The following SLC30A7 variants were observed in gnomAD, a reference collection of about 807,000 sequenced individuals.
The protein encoded by SLC30A7 is solute carrier family 30 member 7.
In SLC30A7, 35 loss-of-function variants were observed where a neutral mutation model predicts 46.0. The ratio of observed to expected loss-of-function variants is 0.76; its 90% CI spans 0.58 to 1.01. The LOEUF (loss-of-function observed/expected upper bound fraction) is 1.01. SLC30A7 is among the 50% of genes least tolerant of loss of function. The pLI, the probability that SLC30A7 is intolerant of heterozygous loss-of-function variation, is 0.00. For synonymous variants in SLC30A7, 147 were observed against 157.8 expected (o/e 0.93, Z 0.51); for missense variants, 464 against 451.1 (o/e 1.03, Z -0.26).
At chr1:100,914,811 T>C (rs1179859085) in intron 6 of SLC30A7, among the ~76,000 whole-genome samples, 1 of 152,088 alleles carries the variant, frequency 6.6e-6, no homozygotes, top group Non-Finnish European at 1.5e-5. Flanking sequence ...CCTTCATTTT[T>C]CAGTCTTTGA....
At chr1:100,923,004 A>ATTTTTTTTTT (rs71084855) in intron 8 of SLC30A7, among the ~76,000 whole-genome samples, 2 of 49,110 alleles carry the variant, frequency 4.1e-5, no homozygotes, top group African/African-American at 1.8e-4. Context: ...GTTAGAATAG[A>ATTTTTTTTTT]TTTTTTTTTT....
In SLC30A7 at chr1:100,958,043, A is replaced by G. The variant is rs369718685; in HGVS notation, c.843-3785A>G. Among the ~76,000 whole-genome samples the G allele has an allele frequency of 2.6e-4, 40 of 152,332 alleles. 2 individuals carry two copies. In the South Asian group the frequency reaches 8.1e-3, roughly 31 times the overall value. ...TTTAGTTTAGATGAATGAATAACCA[A>G]TATTCTTCACTGTCAAAATCCTTAA... On this transcript the variant is annotated intron_variant, in intron 8 of 10. Coordinates refer to ENST00000357650, the MANE Select transcript of SLC30A7 (RefSeq NM_133496.5).
At chr1:100,909,970 GA>G (rs34615755) in intron 3 of SLC30A7, among the ~76,000 whole-genome samples, 4 of 150,796 alleles carry the variant, frequency 2.7e-5, no homozygotes, top group Admixed American at 6.6e-5. Flanking sequence ...TTTTCTCCAG[GA>G]AAAAAAAATA....
At chr1:100,919,771 G>A (rs1557984181) in intron 7 of SLC30A7, among the ~76,000 whole-genome samples, 1 of 152,124 alleles carries the variant, frequency 6.6e-6, no homozygotes, top group Non-Finnish European at 1.5e-5. Flanking sequence ...GAAGAGCCCA[G>A]TAAATAGCTG....
rs1286475156 is a variant in SLC30A7, at chr1:100,905,312, C to G, written c.183-1540C>G. 4.6e-5 allele frequency among the ~76,000 whole-genome samples: 7 copies of G among 151,730 alleles called. No individual in the cohort carries two copies. In the East Asian group the frequency reaches 1.4e-3, roughly 29 times the overall value. On this transcript the variant is annotated intron_variant, in intron 2 of 10. Coordinates refer to ENST00000357650, the MANE Select transcript of SLC30A7 (RefSeq NM_133496.5). ...TTTATTTTTTTAATTTAATTTTTCTCTTTCTTCCCCTCTGGTTTTCAAAGA... is the reference window on the plus strand; with the variant it reads ...TTTATTTTTTTAATTTAATTTTTCTGTTTCTTCCCCTCTGGTTTTCAAAGA...
intron 8 of SLC30A7, among the ~76,000 whole-genome samples, chr1:100,958,625 C>T (rs1311371433): frequency 6.6e-6 from 1 of 152,152 alleles, no homozygotes; most frequent in Non-Finnish European, 1.5e-5. Flanking sequence ...TTCTTAACTG[C>T]TAATGATTCC....
At chr1:100,919,213 A>G (rs1353706445) in intron 7 of SLC30A7, among the ~76,000 whole-genome samples, 3 of 152,060 alleles carry the variant, frequency 2.0e-5, no homozygotes, top group Non-Finnish European at 4.4e-5. Context: ...GAATTATAGT[A>G]ATTTTTTTTT....
intron 8 of SLC30A7, among the ~76,000 whole-genome samples, chr1:100,944,107 G>C (rs959917663): frequency 1.3e-5 from 2 of 152,056 alleles, no homozygotes; most frequent in African/African-American, 4.8e-5. Context: ...GCTAGAGTGA[G>C]GGCAGTGGCA....
intron 6 of SLC30A7, among the ~76,000 whole-genome samples, chr1:100,915,362 C>T (rs1406820088): frequency 6.6e-6 from 1 of 151,904 alleles, no homozygotes; most frequent in East Asian, 1.9e-4. Context: ...GGGCACTATG[C>T]CATACAAATC....
At position 100,918,099 on chromosome 1, in the gene SLC30A7, A is replaced by C; in HGVS notation, c.678A>C (p.Thr226=). Residue 226 remains threonine (T), a synonymous_variant, in exon 7 of 11, where the codon ACA becomes ACC. Coordinates refer to ENST00000357650, the MANE Select transcript of SLC30A7 (RefSeq NM_133496.5). The stretch of plus-strand genomic sequence containing the variant: ...CAGATGGCCCGTCCTTAAAAGAAAC[A>C]ACAGGACCCAGCAGACAGATTTTAC... ...HSHDGPSLKE[T]TGPSRQILQG... is the part of the protein sequence containing the mutation. The C allele has an allele frequency of 1.9e-6, 3 of 1,613,032 alleles. No homozygotes were observed. The highest frequency in any genetic ancestry group is 1.7e-4 in the Middle Eastern group (1 of 6,058).
chr1:100,943,445 C>T (rs1455374796), intron 8 of SLC30A7, among the ~76,000 whole-genome samples: 1 of 151,514 alleles, frequency 6.6e-6, no homozygotes, highest in East Asian at 1.9e-4. Flanking sequence ...TATCTGGAAG[C>T]TTCCCAAACC....
intron 4 of SLC30A7, 100 bp from the exon 5 acceptor site, chr1:100,912,012 C>T (rs1014948524): frequency 4.6e-6 from 5 of 1,085,062 alleles, no homozygotes; most frequent in East Asian, 2.5e-5. Context: ...GTTTTTAATT[C>T]CAAAAATAAC....
chr1:100,941,105 C>G (rs1654319200), intron 8 of SLC30A7: 1 of 319,820 alleles, frequency 3.1e-6, no homozygotes, highest in Non-Finnish European at 6.1e-6. Flanking sequence ...TTGCCTCCAC[C>G]ACCATAGGGG....
intron 8 of SLC30A7, among the ~76,000 whole-genome samples, chr1:100,940,332 T>C (rs535738766): frequency 1.8e-4 from 28 of 152,206 alleles, no homozygotes; most frequent in Non-Finnish European, 3.8e-4. Context: ...ATGGCTGAAA[T>C]ATTTACGGTA....
At position 100,961,994 on chromosome 1, in the gene SLC30A7, G is replaced by A. The variant is rs965486037; in HGVS notation, c.933+76G>A. 2.2e-4 allele frequency: 181 copies of A among 829,336 alleles called. No individual in the cohort carries two copies. The Admixed American group carries it at 4.2e-3, about 19-fold the overall frequency. 51.4% of individuals were successfully genotyped at this position (829,336 alleles called of 1,614,324 possible). A position where few individuals can be genotyped will look rare whatever the true frequency, so the allele number is the denominator to read the frequency against. ...TTGATTTTCAGCTTTCACAAATATG[G>A]GTAACATGTGTGTATAATTGACTGT... On this transcript the variant is annotated intron_variant, in intron 9 of 10. Coordinates refer to ENST00000357650, the MANE Select transcript of SLC30A7 (RefSeq NM_133496.5).
the SLC30A7 span, among the ~76,000 whole-genome samples, chr1:100,988,562 G>A: frequency 6.6e-6 from 1 of 152,128 alleles, no homozygotes; most frequent in African/African-American, 2.4e-5. Flanking sequence ...GATTGAAAAT[G>A]AGGCCAGGCA....
Position 100,975,828 on chromosome 1 carries a change from GTTTTTTTTTTTT to G in SLC30A7, c.*987_*998del, listed in dbSNP as rs10604120. 1.2e-4 allele frequency: 12 copies of G among 99,096 alleles called. No homozygotes were observed. Among genetic ancestry groups the G allele is most frequent in the Non-Finnish European group, 2.3e-4 (11 of 48,728 alleles). The allele number at this position is 99,096 out of a possible 1,614,324, so 6.1% of individuals were successfully genotyped here. ...GGTGTGAGCCACCACGCCCGGCTAT[GTTTTTTTTTTTT>G]TTTTTTTTTTTTTTTAACAATGGAT... On this transcript the variant is annotated 3_prime_UTR_variant, in exon 11 of 11. Coordinates refer to ENST00000357650, the MANE Select transcript of SLC30A7 (RefSeq NM_133496.5).
intron 10 of SLC30A7, among the ~76,000 whole-genome samples, chr1:100,971,672 A>G (rs1442875905): frequency 6.6e-6 from 1 of 152,114 alleles, no homozygotes; most frequent in East Asian, 1.9e-4. Context: ...ATTTACAGAC[A>G]AAAAAACCCA....
chr1:100,987,668 C>CTT, the SLC30A7 span, among the ~76,000 whole-genome samples: 4,263 of 141,004 alleles, frequency 0.03, 166 homozygotes, highest in African/African-American at 0.088. Flanking sequence ...GTTGTCTGCT[C>CTT]TTTTTTTTTT....
Sources: gnomAD v4.1 joint callset for allele counts (sites outside exome capture counted in the v4.1 genomes callset) on GRCh38, gnomAD v4.1.1 for gene constraint, MANE v1.5 for transcripts, NCBI Gene and HGNC (gene_info 2026-07-23, HGNC 2026-07-21) for gene names.